KCNA6: variants seen among roughly 807,000 people sequenced by gnomAD.
KCNA6 encodes the protein human brain potassium channel-2.
A neutral mutation model predicts 29.5 loss-of-function variants in KCNA6; 17 were observed. The ratio of observed to expected loss-of-function variants is 0.58; its 90% CI spans 0.39 to 0.86. The LOEUF (loss-of-function observed/expected upper bound fraction) is 0.86, where lower values mean the gene tolerates loss of function less well. Among genes scored for constraint, KCNA6 ranks in the 40% least tolerant of loss-of-function variants. The pLI is 0.00. For synonymous variants in KCNA6, 296 were observed against 304.7 expected (o/e 0.97, Z 0.30); for missense variants, 450 against 703.4 (o/e 0.64, Z 4.07).
At chr12:4,839,995 G>T in the KCNA6 span, among the ~76,000 whole-genome samples, 1 of 152,038 alleles carries the variant, frequency 6.6e-6, no homozygotes, top group Non-Finnish European at 1.5e-5. Context: ...TAATGACTGT[G>T]TACTTTTTCT....
the KCNA6 span, among the ~76,000 whole-genome samples, chr12:4,844,516 C>T: frequency 2.6e-5 from 4 of 152,006 alleles, no homozygotes; most frequent in African/African-American, 4.8e-5. The surrounding 1 kb of genome is among the most constrained non-coding windows in gnomAD (Gnocchi z 4.0). Flanking sequence ...TGCTAAGCAA[C>T]GGGAACAGCA....
the KCNA6 span, among the ~76,000 whole-genome samples, chr12:4,839,576 G>A: frequency 6.6e-6 from 1 of 152,288 alleles, no homozygotes; most frequent in South Asian, 2.1e-4. Flanking sequence ...CCGCTCAGGG[G>A]TCGGCACCCC....
exon 1 of KCNA6, chr12:4,812,973 C>G (rs1035742421): frequency 1.2e-5 from 2 of 167,088 alleles, no homozygotes; most frequent in Non-Finnish European, 2.9e-5. Context: ...GCCCACCTCC[C>G]CTTTTGTTTC....
rs80034779 is a variant in KCNA6 at position 4,810,662 on chromosome 12, C to T, written c.621C>T (p.Asn207=). The change falls in exon 1 of 1, where the codon AAC becomes AAT. Residue 207 remains asparagine, a synonymous_variant. Coordinates refer to ENST00000280684, the Ensembl canonical transcript of KCNA6. The surrounding 1 kb of genome is among the most constrained non-coding windows in gnomAD (Gnocchi z 7.5). The stretch of plus-strand genomic sequence containing the variant: ...TCCGTGTAGATGGTCGAGGTGGAAA[C>T]AATGGTGGTGTGAGTCGAGTCTCCC... The T allele has an allele frequency of 1.2e-6, 2 of 1,610,300 alleles. No individual in the cohort carries two copies. Among genetic ancestry groups the T allele is most frequent in the East Asian group, 2.2e-5 (1 of 44,638 alleles).
chr12:4,827,444 T>C, the KCNA6 span, among the ~76,000 whole-genome samples: 2 of 152,184 alleles, frequency 1.3e-5, no homozygotes, highest in Non-Finnish European at 2.9e-5. Context: ...AAAAGACATT[T>C]CTATATTAAG....
chr12:4,811,015 G>A lies in KCNA6; in HGVS notation c.974G>A (p.Ser325Asn), dbSNP rs201404019. 8 of 1,614,130 alleles carry A rather than the reference G, an allele frequency of 5.0e-6. No homozygotes were observed. Among genetic ancestry groups the A allele is most frequent in the African/African-American group, 2.7e-5 (2 of 74,942 alleles). Reference sequence around the variant, plus strand: ...CAGCAGCAGGAGCAGCAACCAGCCAGTGGAGGAGGCGGCCAGAATGGGCAG... The same window carrying A: ...CAGCAGCAGGAGCAGCAACCAGCCAATGGAGGAGGCGGCCAGAATGGGCAG... Residue 325 changes from serine (S) to asparagine (N), a missense_variant, in exon 1 of 1, where the codon AGT (serine) becomes AAT (asparagine). Around this residue, in one of 7 missense-constraint regions of KCNA6, gnomAD observed 46 missense variants for 80.2 expected, o/e 0.57. Coordinates refer to ENST00000280684, the Ensembl canonical transcript of KCNA6. This position sits in a 1 kb window ranked among gnomAD's most constrained non-coding sequence, Gnocchi z 7.1.
At chr12:4,840,182 T>C in the KCNA6 span, among the ~76,000 whole-genome samples, 2 of 69,366 alleles carry the variant, frequency 2.9e-5, no homozygotes, top group African/African-American at 9.9e-5. Flanking sequence ...TTGCATTTCA[T>C]TGATGATGAT....
chr12:4,818,546 A>T, the KCNA6 span, among the ~76,000 whole-genome samples: 1 of 152,220 alleles, frequency 6.6e-6, no homozygotes, highest in Non-Finnish European at 1.5e-5. Flanking sequence ...ATCATCCTGC[A>T]GCAGTGAAAT....
chr12:4,832,062 G>C, the KCNA6 span, among the ~76,000 whole-genome samples: 1 of 152,144 alleles, frequency 6.6e-6, no homozygotes, highest in African/African-American at 2.4e-5. Context: ...CTAGTGCTCT[G>C]ATTCTGAAGA....
chr12:4,819,255 G>A, the KCNA6 span, among the ~76,000 whole-genome samples: 3 of 152,062 alleles, frequency 2.0e-5, no homozygotes, highest in South Asian at 6.2e-4. Flanking sequence ...CACTGCATTC[G>A]AGTTTTCCTC....
At chr12:4,832,256 A>G in the KCNA6 span, among the ~76,000 whole-genome samples, 1 of 152,128 alleles carries the variant, frequency 6.6e-6, no homozygotes, top group South Asian at 2.1e-4. Context: ...GCAATGTGAA[A>G]AAAACAAGTA....
the KCNA6 span, among the ~76,000 whole-genome samples, chr12:4,835,441 A>C: frequency 6.6e-6 from 1 of 151,874 alleles, no homozygotes; most frequent in African/African-American, 2.4e-5. Flanking sequence ...GCCAAGAATG[A>C]TTTTTTTTAA....
At chr12:4,838,096 T>C in the KCNA6 span, among the ~76,000 whole-genome samples, 1 of 151,972 alleles carries the variant, frequency 6.6e-6, no homozygotes, top group Non-Finnish European at 1.5e-5. Context: ...GGCTGCAGGG[T>C]CTCATAAGTT....
At chr12:4,835,945 T>C in the KCNA6 span, among the ~76,000 whole-genome samples, 20 of 146,820 alleles carry the variant, frequency 1.4e-4, no homozygotes, top group Middle Eastern at 3.6e-3. Context: ...TTTTTTTTTT[T>C]TTTTTTTTTT....
rs766280188 is a variant in KCNA6 at position 4,810,375 on chromosome 12, G to C, written c.334G>C (p.Val112Leu). 9.3e-6 allele frequency: 15 copies of C among 1,614,036 alleles called. No homozygotes were observed. Among genetic ancestry groups the C allele is most frequent in the Non-Finnish European group, 1.2e-5 (14 of 1,180,040 alleles). Residue 112 changes from valine to leucine, a missense_variant, in exon 1 of 1, where the codon GTG (valine) becomes CTG (leucine). By Grantham distance (32) the Val-to-Leu change is conservative. This residue lies in a region of KCNA6 where 133 missense variants were observed against 217.5 expected (regional missense o/e 0.61). Transcript: ENST00000280684. This position sits in a 1 kb window ranked among gnomAD's most constrained non-coding sequence, Gnocchi z 7.5. ...GGGCCGCCTGCGGAGGCCGGTCAAC[G>C]TGCCCCTGGACATTTTCCTGGAGGA...
In KCNA6 at chr12:4,810,631, C is replaced by G; in HGVS notation, c.590C>G (p.Pro197Arg). The stretch of plus-strand genomic sequence containing the variant: ...GTCATCTTTTGCCTGGAGACCTTAC[C>G]CCAGTTCCGTGTAGATGGTCGAGGT... The change falls in exon 1 of 1, where the codon CCC becomes CGC. Residue 197 changes from proline (P) to arginine (R), a missense_variant. By Grantham distance (103) the Pro-to-Arg change is moderately radical. This residue lies in a region of KCNA6 where 133 missense variants were observed against 217.5 expected (regional missense o/e 0.61). Coordinates refer to ENST00000280684, the Ensembl canonical transcript of KCNA6. The surrounding 1 kb of genome is among the most constrained non-coding windows in gnomAD (Gnocchi z 7.5). The G allele has an allele frequency of 6.2e-7, 1 of 1,614,154 alleles. No individual in the cohort carries two copies. Among genetic ancestry groups the G allele is most frequent in the Non-Finnish European group, 8.5e-7 (1 of 1,180,024 alleles).
At chr12:4,819,585 C>T in the KCNA6 span, among the ~76,000 whole-genome samples, 5 of 152,208 alleles carry the variant, frequency 3.3e-5, no homozygotes, top group Admixed American at 1.3e-4. Context: ...TCTCCCCTGG[C>T]CTTCACTCCA....
the KCNA6 span, among the ~76,000 whole-genome samples, chr12:4,822,865 T>C: frequency 6.6e-6 from 1 of 152,234 alleles, no homozygotes; most frequent in African/African-American, 2.4e-5. Flanking sequence ...CCGGATTCGA[T>C]CTTGCCTCTC....
chr12:4,831,318 G>A, the KCNA6 span, among the ~76,000 whole-genome samples: 4 of 152,124 alleles, frequency 2.6e-5, no homozygotes, highest in African/African-American at 7.2e-5. Flanking sequence ...GCTATCAGAG[G>A]GCCCAAGAGT....
Sources: allele counts gnomAD v4.1 joint callset (sites outside exome capture counted in the v4.1 genomes callset), GRCh38; gene constraint gnomAD v4.1.1; regional missense constraint gnomAD v4.1.1; non-coding constraint Gnocchi (gnomAD v3.1); transcripts MANE v1.5; gene names NCBI Gene and HGNC (gene_info 2026-07-23, HGNC 2026-07-21).